Variants in LMBR1 observed in about 807,000 individuals in gnomAD.
LMBR1 encodes the protein limb development membrane protein 1, also known as limb region 1 protein homolog.
A neutral mutation model predicts 73.9 loss-of-function variants in LMBR1; 52 were observed. The observed-to-expected ratio is 0.70, with a 90% CI of 0.56 to 0.89. The LOEUF (loss-of-function observed/expected upper bound fraction) is 0.89, where lower values mean the gene tolerates loss of function less well. Among genes scored for constraint, LMBR1 ranks in the 40% least tolerant of loss-of-function variants. LMBR1 has a pLI of 0.00. For missense variants in LMBR1, 539 were observed against 579.8 expected (o/e 0.93, Z 0.72); for synonymous variants, 215 against 209.4 (o/e 1.03, Z -0.23).
chr7:156,706,213 G>T (rs965557601), intron 15 of LMBR1, among the ~76,000 whole-genome samples: 1 of 147,310 alleles, frequency 6.8e-6, no homozygotes, highest in Admixed American at 6.8e-5. Context: ...GACCTATTCA[G>T]CAAGAGGATA....
chr7:156,674,530 C>T (rs148499977), downstream of LMBR1, among the ~76,000 whole-genome samples: 294 of 152,272 alleles, frequency 1.9e-3, 1 homozygote, highest in African/African-American at 6.7e-3. Flanking sequence ...GCCACCTACC[C>T]GTGCCTCAGA....
In LMBR1 at chr7:156,791,302, C is replaced by T. The variant is rs529294951; in HGVS notation, c.423+5087G>A. ...GCAGCACTTCCTTAATCACTCATTTCCAACAATTTATGGATCATCAGTGGC... is the reference window on the plus strand; with the variant it reads ...GCAGCACTTCCTTAATCACTCATTTTCAACAATTTATGGATCATCAGTGGC... On this transcript the variant is annotated intron_variant, in intron 5 of 16. Transcript: ENST00000353442. Among the ~76,000 whole-genome samples, 110 of 152,204 alleles carry T rather than the reference C, an allele frequency of 7.2e-4. No individual in the cohort carries two copies. Among genetic ancestry groups the T allele is most frequent in the African/African-American group, 2.6e-3 (108 of 41,504 alleles).
intron 8 of LMBR1, among the ~76,000 whole-genome samples, chr7:156,759,546 G>A (rs1393323780): frequency 5.9e-5 from 9 of 152,100 alleles, no homozygotes; most frequent in Non-Finnish European, 1.3e-4. Flanking sequence ...GAAATTATGT[G>A]TGTAAAATAT....
intron 5 of LMBR1, among the ~76,000 whole-genome samples, chr7:156,777,203 G>C (rs1319309164): frequency 6.6e-6 from 1 of 152,176 alleles, no homozygotes; most frequent in Non-Finnish European, 1.5e-5. Context: ...CCAAAGTGCT[G>C]GGATTACAGG....
chr7:156,669,385 G>C lies in LMBR1; in HGVS notation n.867-98C>G, dbSNP rs1801954227. ...AGAGGAAGGGGAGAGAGAGTGAAGT[G>C]AGGGGTGAGATGTTTGAAATAAGGT... On this transcript the variant is annotated intron_variant and non_coding_transcript_variant, in intron 4 of 4. Transcript: ENST00000430825. The surrounding 1 kb of genome is among the most constrained non-coding windows in gnomAD (Gnocchi z 4.2). 1 of 152,290 alleles carries C rather than the reference G, an allele frequency of 6.6e-6. No individual in the cohort carries two copies. Among genetic ancestry groups the C allele is most frequent in the Non-Finnish European group, 1.5e-5 (1 of 68,068 alleles). The allele number at this position is 152,290 out of a possible 1,614,324, so 9.4% of individuals were successfully genotyped here. A position where few individuals can be genotyped will look rare whatever the true frequency, so the allele number is the denominator to read the frequency against.
chr7:156,870,658 G>A (rs759462229), intron 1 of LMBR1, among the ~76,000 whole-genome samples: 2 of 151,828 alleles, frequency 1.3e-5, no homozygotes, highest in African/African-American at 2.4e-5. Flanking sequence ...CCAGCTACTC[G>A]GGAGGCTGAG....
intron 1 of LMBR1, among the ~76,000 whole-genome samples, chr7:156,881,454 A>C (rs1801072894): frequency 6.6e-6 from 1 of 152,252 alleles, no homozygotes; most frequent in Non-Finnish European, 1.5e-5. Flanking sequence ...TAACATCAAT[A>C]GCACAGGCAA....
In LMBR1 at chr7:156,685,145, A is replaced by G. The variant is rs1225349017; in HGVS notation, c.1388-982T>C. Among the ~76,000 whole-genome samples the G allele has an allele frequency of 6.6e-6, 1 of 152,204 alleles. No individual in the cohort carries two copies. Among genetic ancestry groups the G allele is most frequent in the Non-Finnish European group, 1.5e-5 (1 of 68,032 alleles). ...CTCACTACCCAAAGGTATTTCACAG[A>G]ATAAAAAACTATCACTATCTTTTAA... On this transcript the variant is annotated intron_variant, in intron 16 of 16. Coordinates refer to ENST00000353442, the MANE Select transcript of LMBR1 (RefSeq NM_022458.4). The surrounding 1 kb of genome is among the most constrained non-coding windows in gnomAD (Gnocchi z 4.1).
At chr7:156,737,718 T>TTTTTTTTTTTTTTTTTTTTG in intron 9 of LMBR1, among the ~76,000 whole-genome samples, 1 of 152,258 alleles carries the variant, frequency 6.6e-6, no homozygotes, top group African/African-American at 2.4e-5. Context: ...ATCCCATTTT[T>TTTTTTTTTTTTTTTTTTTTG]ATGGAACCTG....
intron 15 of LMBR1, among the ~76,000 whole-genome samples, chr7:156,703,427 T>C (rs537934459): frequency 6.6e-6 from 1 of 152,164 alleles, no homozygotes; most frequent in African/African-American, 2.4e-5. Context: ...GGGGGCTGGG[T>C]GGCATCTCCC....
At chr7:156,723,978 T>C (rs901673672) in intron 15 of LMBR1, 134 bp downstream of exon 15, 66 of 631,112 alleles carry the variant, frequency 1.0e-4, no homozygotes, top group Non-Finnish European at 1.5e-4. Context: ...AGTATAGAAG[T>C]AAAAGTGTAA....
intron 9 of LMBR1, among the ~76,000 whole-genome samples, chr7:156,751,473 T>C (rs1282784321): frequency 6.6e-6 from 1 of 152,164 alleles, no homozygotes; most frequent in Non-Finnish European, 1.5e-5. Flanking sequence ...CTTGCTGTTA[T>C]CCAGACTGAA....
intron 2 of LMBR1, among the ~76,000 whole-genome samples, chr7:156,834,006 A>G (rs764118319): frequency 4.6e-5 from 7 of 152,226 alleles, no homozygotes; most frequent in Non-Finnish European, 8.8e-5. Context: ...TTCAATTAAC[A>G]AAATCCTGAT....
chr7:156,794,149 G>T (rs1294968566), intron 5 of LMBR1, among the ~76,000 whole-genome samples: 1 of 152,170 alleles, frequency 6.6e-6, no homozygotes, highest in Admixed American at 6.5e-5. Context: ...ATTCATAGTT[G>T]CCTGTATCCT....
chr7:156,739,860 T>A (rs929233865), intron 9 of LMBR1, among the ~76,000 whole-genome samples: 7 of 151,952 alleles, frequency 4.6e-5, no homozygotes, highest in African/African-American at 1.7e-4. Flanking sequence ...TCCACAAGCG[T>A]CAAGACCATC....
At chr7:156,751,896 G>A (rs1254071972) in intron 9 of LMBR1, among the ~76,000 whole-genome samples, 3 of 152,204 alleles carry the variant, frequency 2.0e-5, no homozygotes, top group African/African-American at 7.2e-5. Context: ...TAGACAGTTA[G>A]ATCTTTAAGT....
chr7:156,757,220 C>A (rs182196271), intron 8 of LMBR1, among the ~76,000 whole-genome samples: 1 of 152,252 alleles, frequency 6.6e-6, no homozygotes, highest in African/African-American at 2.4e-5. Context: ...GAACAGACAC[C>A]CAGTCCAACA....
intron 1 of LMBR1, 113 bp from the exon 2 acceptor site, chr7:156,836,998 T>TA: frequency 1.4e-6 from 1 of 700,656 alleles, no homozygotes; most frequent in Non-Finnish European, 2.3e-6. Context: ...ACTAAAAAGT[T>TA]AAAATGCTGG....
At chr7:156,804,355 C>T (rs973753603) in intron 4 of LMBR1, among the ~76,000 whole-genome samples, 1 of 152,140 alleles carries the variant, frequency 6.6e-6, no homozygotes, top group African/African-American at 2.4e-5. Flanking sequence ...GTCATAAATG[C>T]TCATGTACAA....
Sources: gnomAD v4.1 joint callset for allele counts (sites outside exome capture counted in the v4.1 genomes callset) on GRCh38, gnomAD v4.1.1 for gene constraint, Gnocchi (gnomAD v3.1) non-coding constraint, MANE v1.5 for transcripts, NCBI Gene and HGNC (gene_info 2026-07-23, HGNC 2026-07-21) for gene names.